Variants in SYTL5 observed in about 807,000 individuals in gnomAD.
SYTL5 encodes the protein synaptotagmin-like protein 5.
SYTL5 carries 34 observed loss-of-function variants against 55.9 expected under a neutral mutation model. The observed-to-expected ratio is 0.61, with a 90% CI of 0.46 to 0.81. The LOEUF (loss-of-function observed/expected upper bound fraction) is 0.81, where lower values mean the gene tolerates loss of function less well. Among genes scored for constraint, SYTL5 ranks in the 30% least tolerant of loss-of-function variants. SYTL5 has a pLI of 0.00. For missense variants in SYTL5, 637 were observed against 546.7 expected, an observed-to-expected ratio of 1.17 and a Z score of -1.65; for synonymous variants, 221 against 188.7, an observed-to-expected ratio of 1.17 and a Z score of -1.40.
the SYTL5 span, among the ~76,000 whole-genome samples, chrX:37,997,855 G>A: frequency 4.5e-5 from 5 of 112,225 alleles, no homozygotes; most frequent in Non-Finnish European, 1.9e-5. Context: ...GCCCACCCAT[G>A]GCCACCCGTG....
intron 13 of SYTL5, among the ~76,000 whole-genome samples, chrX:38,113,342 G>T (rs781679738): frequency 8.9e-6 from 1 of 112,080 alleles, no homozygotes; most frequent in Non-Finnish European, 1.9e-5. Context: ...CCAAGGAAAC[G>T]TTCTCTTATT....
At chrX:37,992,269 G>A in the SYTL5 span, among the ~76,000 whole-genome samples, 4 of 112,744 alleles carry the variant, frequency 3.5e-5, no homozygotes, top group Admixed American at 2.8e-4. Context: ...GTCACATCAA[G>A]TGTTGTAGCA....
intron 2 of SYTL5, among the ~76,000 whole-genome samples, chrX:38,044,989 G>A (rs973626127): frequency 6.3e-5 from 7 of 111,715 alleles, no homozygotes; most frequent in African/African-American, 2.3e-4. Context: ...GAGTTGTAAC[G>A]AGCTGTTTTT....
chrX:38,103,369 C>G (rs1937128485), intron 10 of SYTL5, among the ~76,000 whole-genome samples: 1 of 111,711 alleles, frequency 9.0e-6, no homozygotes, highest in Non-Finnish European at 1.9e-5. Context: ...AAATCACAGC[C>G]TTAGCTTGGT....
the SYTL5 span, among the ~76,000 whole-genome samples, chrX:37,926,295 G>T: frequency 1.8e-5 from 2 of 111,227 alleles, no homozygotes; most frequent in African/African-American, 6.5e-5. Context: ...CGTCTTTTCA[G>T]ATCATTTGCC....
the SYTL5 span, among the ~76,000 whole-genome samples, chrX:37,920,956 T>C: frequency 9.0e-6 from 1 of 111,443 alleles, no homozygotes; most frequent in Admixed American, 9.6e-5. Context: ...ACATGATCCC[T>C]TTCTTACAAA....
chrX:38,089,614 G>A (rs918463493), intron 7 of SYTL5, 27 bp downstream of exon 7: 7 of 1,181,184 alleles, frequency 5.9e-6, no homozygotes, highest in Non-Finnish European at 6.8e-6. Context: ...GATGAACACC[G>A]TATTAGTTCA....
intron 1 of SYTL5, among the ~76,000 whole-genome samples, chrX:38,014,816 A>G (rs1177205975): frequency 8.9e-6 from 1 of 112,556 alleles, no homozygotes; most frequent in Non-Finnish European, 1.9e-5. Flanking sequence ...GGAAGCAATC[A>G]GATACACATT....
At chrX:37,998,023 C>T in the SYTL5 span, among the ~76,000 whole-genome samples, 1 of 112,138 alleles carries the variant, frequency 8.9e-6, no homozygotes, top group African/African-American at 3.2e-5. Flanking sequence ...GAAGACCTGC[C>T]TACAGAGAGG....
chrX:37,926,881 A>C, the SYTL5 span, among the ~76,000 whole-genome samples: 1 of 111,747 alleles, frequency 8.9e-6, no homozygotes, highest in East Asian at 2.8e-4. Flanking sequence ...GCTCTGTCAT[A>C]TTTTCACCAG....
Position 38,033,671 on chromosome X carries a change from AT to A in SYTL5, c.-218del. 4.3e-6 allele frequency: 1 copy of A among 232,529 alleles called. No individual in the cohort carries two copies. The highest frequency in any genetic ancestry group is 7.8e-6 in the Non-Finnish European group (1 of 128,638). 19.2% of individuals were successfully genotyped at this position (232,529 alleles called of 1,213,427 possible). On this transcript the variant is annotated 5_prime_UTR_variant, in exon 2 of 17. It removes an upstream start codon present in the reference 5' UTR. Coordinates refer to ENST00000297875, the MANE Select transcript of SYTL5 (RefSeq NM_138780.3). ...GAAACATTTTTCAGTTAAAACAATA[AT>A]GACTTTCTTGGAGTGTAATCCCAGT...
At chrX:38,096,339 A>G in intron 9 of SYTL5, 105 bp downstream of exon 9, 1 of 406,129 alleles carries the variant, frequency 2.5e-6, no homozygotes, top group Non-Finnish European at 4.3e-6. Context: ...GAGTAAAGAG[A>G]GGATATACAA....
chrX:38,124,777 G>A (rs964591289), intron 15 of SYTL5, among the ~76,000 whole-genome samples: 1 of 112,174 alleles, frequency 8.9e-6, no homozygotes, highest in Admixed American at 9.5e-5. Flanking sequence ...GAGGGACAGG[G>A]AAGATGGGGA....
chrX:37,933,434 A>AG, the SYTL5 span, among the ~76,000 whole-genome samples: 1 of 111,715 alleles, frequency 9.0e-6, no homozygotes, highest in African/African-American at 3.3e-5. Context: ...GCCACCGGAA[A>AG]GGGTAGAACA....
intron 2 of SYTL5, among the ~76,000 whole-genome samples, chrX:38,044,429 T>C (rs922121054): frequency 8.9e-6 from 1 of 112,056 alleles, no homozygotes; most frequent in Non-Finnish European, 1.9e-5. Context: ...TTAGAGTCAT[T>C]CTAGAAATAA....
At chrX:37,956,261 TTAGA>T in the SYTL5 span, among the ~76,000 whole-genome samples, 2 of 112,086 alleles carry the variant, frequency 1.8e-5, no homozygotes, top group African/African-American at 6.5e-5. Context: ...ATTTAATTAA[TTAGA>T]TAATTAATTT....
the SYTL5 span, among the ~76,000 whole-genome samples, chrX:37,893,784 A>T: frequency 3.4e-4 from 33 of 96,586 alleles, 1 homozygote; most frequent in South Asian, 1.4e-3. Flanking sequence ...TATAGATTAT[A>T]TAGAGATTAG....
chrX:38,051,243 T>C (rs1199393858), intron 2 of SYTL5, among the ~76,000 whole-genome samples: 2 of 111,719 alleles, frequency 1.8e-5, no homozygotes, highest in African/African-American at 6.5e-5. Flanking sequence ...CTTTACAGGC[T>C]ATGGGAAAGA....
the SYTL5 span, among the ~76,000 whole-genome samples, chrX:37,992,122 A>G: frequency 8.9e-6 from 1 of 112,897 alleles, no homozygotes; most frequent in Non-Finnish European, 1.9e-5. Flanking sequence ...CATATATTGC[A>G]TAGAGCACCA....
Sources: allele counts gnomAD v4.1 joint callset (sites outside exome capture counted in the v4.1 genomes callset), GRCh38; gene constraint gnomAD v4.1.1; transcripts MANE v1.5; gene names NCBI Gene and HGNC (gene_info 2026-07-23, HGNC 2026-07-21).